Variants in ZNF507 observed in about 807,000 individuals in gnomAD.
The protein encoded by ZNF507 is zinc finger protein 507.
ZNF507 carries 29 observed loss-of-function variants against 80.0 expected under a neutral mutation model. The ratio of observed to expected loss-of-function variants is 0.36; its 90% CI spans 0.27 to 0.49. ZNF507 has a LOEUF of 0.49. ZNF507 is among the 20% of genes least tolerant of loss of function. ZNF507 has a pLI of 0.98. For synonymous variants in ZNF507, 462 were observed against 422.5 expected, an observed-to-expected ratio of 1.09 and a Z score of -1.15; for missense variants, 1,081 against 1,152.2, an observed-to-expected ratio of 0.94 and a Z score of 0.90.
rs968499107 is a variant in ZNF507, at chr19:32,386,256, T to A, written c.*3173T>A. 6.6e-6 allele frequency: 1 copy of A among 152,636 alleles called. No homozygotes were observed. The highest frequency in any genetic ancestry group is 2.1e-4 in the South Asian group (1 of 4,830). The allele number at this position is 152,636 out of a possible 1,614,324, so 9.5% of individuals were successfully genotyped here. On this transcript the variant is annotated 3_prime_UTR_variant, in exon 7 of 7. Coordinates refer to ENST00000355898, the MANE Select transcript of ZNF507 (RefSeq NM_001136156.2). ...TGGCTTCATAATTTTCTGTTTTTTT[T>A]CTCACAAAGTAAATGGTGGGCATCC...
intron 5 of ZNF507, among the ~76,000 whole-genome samples, chr19:32,373,216 G>A (rs75952740): frequency 0.014 from 1,949 of 141,572 alleles, 48 homozygotes; most frequent in African/African-American, 0.045. Context: ...TAGGAATTTC[G>A]GGGGGGGCAC....
intron 2 of ZNF507, among the ~76,000 whole-genome samples, chr19:32,351,773 A>G (rs1967172315): frequency 6.6e-6 from 1 of 152,158 alleles, no homozygotes; most frequent in African/African-American, 2.4e-5. Flanking sequence ...AAATGTGGAA[A>G]AACAAAACTT....
intron 5 of ZNF507, among the ~76,000 whole-genome samples, chr19:32,369,890 C>T (rs1008032677): frequency 2.6e-5 from 4 of 152,006 alleles, no homozygotes; most frequent in Non-Finnish European, 4.4e-5. Context: ...CTTTGTATGC[C>T]GGAATCTTCT....
At chr19:32,375,410 C>T (rs1967533189) in intron 5 of ZNF507, among the ~76,000 whole-genome samples, 1 of 152,172 alleles carries the variant, frequency 6.6e-6, no homozygotes, top group South Asian at 2.1e-4. Context: ...GACACAGGGA[C>T]GTGATAAACG....
intron 5 of ZNF507, among the ~76,000 whole-genome samples, chr19:32,381,199 C>T (rs769800238): frequency 6.6e-6 from 1 of 152,018 alleles, no homozygotes; most frequent in Non-Finnish European, 1.5e-5. Context: ...AGTGGTTGCC[C>T]GGGATTCAGG....
chr19:32,372,594 AAGGG>A (rs1362696287), intron 5 of ZNF507, among the ~76,000 whole-genome samples: 3 of 152,024 alleles, frequency 2.0e-5, no homozygotes, highest in Non-Finnish European at 4.4e-5. Context: ...AAGGTCAAAA[AAGGG>A]GGGACACATG....
chr19:32,346,130 T>A (rs1967094818), intron 1 of ZNF507, among the ~76,000 whole-genome samples: 1 of 152,200 alleles, frequency 6.6e-6, no homozygotes, highest in Non-Finnish European at 1.5e-5. Context: ...GCCACGATGT[T>A]CTCACAGCAT....
intron 2 of ZNF507, among the ~76,000 whole-genome samples, chr19:32,351,839 C>G (rs1967173206): frequency 6.6e-6 from 1 of 152,158 alleles, no homozygotes; most frequent in South Asian, 2.1e-4. Flanking sequence ...AAATTAATCT[C>G]ACTTTAAGCC....
intron 2 of ZNF507, among the ~76,000 whole-genome samples, chr19:32,348,387 A>C (rs569884724): frequency 6.6e-6 from 1 of 151,954 alleles, no homozygotes. Flanking sequence ...ACTTTTCTTC[A>C]TATAAACACA....
intron 5 of ZNF507, chr19:32,380,564 T>C (rs1356013121): frequency 6.5e-7 from 1 of 1,533,968 alleles, no homozygotes; most frequent in South Asian, 1.2e-5. Flanking sequence ...CCGTTTGATT[T>C]TCTTTGTGCC....
Position 32,365,634 on chromosome 19 carries a change from G to A in ZNF507, c.2360+5016G>A, listed in dbSNP as rs200272108. ...AGTTCAATATTGCACTGCTGGACCT[G>A]CCCTGATTTACATCTCCCAGTACCA... is the stretch of plus-strand genomic sequence containing the variant. On this transcript the variant is annotated intron_variant, in intron 5 of 6. Coordinates refer to ENST00000355898, the MANE Select transcript of ZNF507 (RefSeq NM_001136156.2). Among the ~76,000 whole-genome samples the A allele has an allele frequency of 3.7e-3, 556 of 151,694 alleles. 7 individuals carry two copies. The highest frequency in any genetic ancestry group is 0.013 in the African/African-American group (528 of 41,376).
chr19:32,361,842 T>TCTTCCTTTCCTTC (rs1175068435), intron 5 of ZNF507, among the ~76,000 whole-genome samples: 8 of 136,220 alleles, frequency 5.9e-5, no homozygotes, highest in African/African-American at 8.4e-5. Flanking sequence ...TCCTTTCCTT[T>TCTTCCTTTCCTTC]CTTCCTTTCC....
At chr19:32,382,102 A>G (rs1479235763) in intron 5 of ZNF507, 3 of 168,310 alleles carry the variant, frequency 1.8e-5, no homozygotes, top group East Asian at 1.7e-4. Flanking sequence ...GAGTGGTACA[A>G]AGTATTAATT....
At chr19:32,378,824 G>T (rs143348346) in intron 5 of ZNF507, among the ~76,000 whole-genome samples, 202 of 152,238 alleles carry the variant, frequency 1.3e-3, no homozygotes, top group African/African-American at 4.7e-3. Flanking sequence ...GTCACTGGGG[G>T]ATCATTCCAG....
chr19:32,351,480 G>C, intron 2 of ZNF507, among the ~76,000 whole-genome samples: 1 of 87,258 alleles, frequency 1.1e-5, no homozygotes, highest in Admixed American at 1.7e-4. Flanking sequence ...TGGCGTGGGG[G>C]GGCGGGGCCT....
Position 32,353,439 on chromosome 19 carries a change from A to G in ZNF507, c.609A>G (p.Lys203=), listed in dbSNP as rs201626400. ...GCCCCTCCAGCTCTTTGTGTCGGAA[A>G]ACCACAGAAAGAAATGAAACCATTC... The part of the protein sequence containing the change: ...CVSPSSSLCR[K]TTERNETIPD... Residue 203 remains lysine, a synonymous_variant, in exon 3 of 7, where the codon AAA becomes AAG. Coordinates refer to ENST00000355898, the MANE Select transcript of ZNF507 (RefSeq NM_001136156.2). The G allele has an allele frequency of 6.2e-7, 1 of 1,614,256 alleles. No homozygotes were observed. Among genetic ancestry groups the G allele is most frequent in the East Asian group, 2.2e-5 (1 of 44,894 alleles).
rs954427920 is a variant in ZNF507 at position 32,382,482 on chromosome 19, G to A, written c.2376G>A (p.Gly792=). 3 of 1,614,120 alleles carry A rather than the reference G, an allele frequency of 1.9e-6. No homozygotes were observed. Among genetic ancestry groups the A allele is most frequent in the Non-Finnish European group, 1.7e-6 (2 of 1,179,992 alleles). The change falls in exon 6 of 7, where the codon GGG becomes GGA. Residue 792 remains glycine (G), a synonymous_variant. Transcript: ENST00000355898. ...SDKPYRCSLC[G]YVCSHPPSLK... ...TGTCTTCCAGATGCTCTCTGTGTGGGTATGTGTGTAGCCATCCTCCTTCTT... is the reference window on the plus strand; with the variant it reads ...TGTCTTCCAGATGCTCTCTGTGTGGATATGTGTGTAGCCATCCTCCTTCTT...
intron 5 of ZNF507, among the ~76,000 whole-genome samples, chr19:32,371,265 G>A (rs538662219): frequency 5.9e-5 from 9 of 152,112 alleles, no homozygotes; most frequent in South Asian, 2.1e-4. Flanking sequence ...ACCTGAGGCC[G>A]ATAGTTCGAG....
intron 5 of ZNF507, among the ~76,000 whole-genome samples, chr19:32,367,820 G>C (rs1967418933): frequency 6.6e-6 from 1 of 152,196 alleles, no homozygotes; most frequent in African/African-American, 2.4e-5. Context: ...TTGTCTCTCA[G>C]TGTAGTCAGT....
Sources: allele counts gnomAD v4.1 joint callset (sites outside exome capture counted in the v4.1 genomes callset), GRCh38; gene constraint gnomAD v4.1.1; transcripts MANE v1.5; gene names NCBI Gene and HGNC (gene_info 2026-07-23, HGNC 2026-07-21).